ASPH: variants seen among roughly 807,000 people sequenced by gnomAD.
ASPH encodes aspartate beta-hydroxylase, also known as aspartyl/asparaginyl beta-hydroxylase.
In ASPH, 100 loss-of-function variants were observed where a neutral mutation model predicts 118.4. The observed-to-expected ratio is 0.84, with a 90% CI of 0.72 to 1.00. The LOEUF (loss-of-function observed/expected upper bound fraction) is 1.00, where lower values mean the gene tolerates loss of function less well. Among genes scored for constraint, ASPH ranks in the 50% least tolerant of loss-of-function variants. The probability of loss-of-function intolerance (pLI) is 0.00; values close to 1 mark genes in which losing one functional copy is unlikely to be tolerated. For synonymous variants in ASPH, 315 were observed against 325.6 expected, an observed-to-expected ratio of 0.97 and a Z score of 0.35; for missense variants, 920 against 919.5, an observed-to-expected ratio of 1.00 and a Z score of -0.01.
intron 3 of ASPH, chr8:61,675,357 T>G: frequency 3.1e-6 from 3 of 966,166 alleles, no homozygotes; most frequent in Non-Finnish European, 3.7e-6. Context: ...CAAATTACTT[T>G]CTCTGGATGT....
At chr8:61,678,028 G>A (rs1169735015) in intron 3 of ASPH, among the ~76,000 whole-genome samples, 1 of 151,998 alleles carries the variant, frequency 6.6e-6, no homozygotes, top group East Asian at 1.9e-4. Flanking sequence ...CTAAGAACAG[G>A]GCTCAACCAA....
intron 2 of ASPH, among the ~76,000 whole-genome samples, chr8:61,683,197 G>C (rs935591595): frequency 1.3e-5 from 2 of 151,970 alleles, no homozygotes; most frequent in African/African-American, 4.8e-5. Context: ...AAGAGTTTGG[G>C]TATTTAGGGG....
At chr8:61,519,413 C>T (rs1258281499) in intron 22 of ASPH, among the ~76,000 whole-genome samples, 1 of 152,142 alleles carries the variant, frequency 6.6e-6, no homozygotes, top group African/African-American at 2.4e-5. Flanking sequence ...AAAATTCTTA[C>T]ATAAGCGGAC....
chr8:61,644,390 A>G (rs904255254), intron 7 of ASPH, among the ~76,000 whole-genome samples: 3 of 152,272 alleles, frequency 2.0e-5, no homozygotes, highest in African/African-American at 4.8e-5. Flanking sequence ...AATCCTACTG[A>G]AAATTTATCC....
At chr8:61,506,470 A>C (rs1289135698) in intron 24 of ASPH, among the ~76,000 whole-genome samples, 1 of 152,340 alleles carries the variant, frequency 6.6e-6, no homozygotes, top group South Asian at 2.1e-4. Context: ...ATAATATGGT[A>C]AATTTTGTTA....
At position 61,562,806 on chromosome 8, in the gene ASPH, C is replaced by T; in HGVS notation, c.1375G>A (p.Asp459Asn). The T allele has an allele frequency of 6.2e-7, 1 of 1,612,690 alleles. No individual in the cohort carries two copies. The highest frequency in any genetic ancestry group is 8.5e-7 in the Non-Finnish European group (1 of 1,179,456). The change falls in exon 18 of 25, where the codon GAC (aspartate) becomes AAC (asparagine). Residue 459 changes from aspartate (D) to asparagine (N), a missense_variant. Coordinates refer to ENST00000379454, the MANE Select transcript of ASPH (RefSeq NM_004318.4). ...LFPNDTSLKN[D>N]LGVGYLLIGD... ...ATCAAGAGGTATCCCACGCCAAGGT[C>T]ATTTTTTAAGGAAGTATCATTGGGA...
At chr8:61,698,363 G>C (rs1188211791) in intron 1 of ASPH, among the ~76,000 whole-genome samples, 1 of 152,188 alleles carries the variant, frequency 6.6e-6, no homozygotes, top group African/African-American at 2.4e-5. Context: ...ATTTAGTTAC[G>C]TTACGATTTA....
intron 4 of ASPH, among the ~76,000 whole-genome samples, chr8:61,652,222 T>C (rs1811380523): frequency 6.6e-6 from 1 of 152,206 alleles, no homozygotes; most frequent in African/African-American, 2.4e-5. Context: ...GATTCCCAGG[T>C]TCATAACTGC....
chr8:61,685,587 C>T (rs750950089), intron 1 of ASPH, among the ~76,000 whole-genome samples: 5 of 151,772 alleles, frequency 3.3e-5, no homozygotes, highest in Non-Finnish European at 5.9e-5. Context: ...TAATTTCCAG[C>T]GGCTCAAGTC....
At chr8:61,618,532 C>A (rs1280843217) in intron 14 of ASPH, among the ~76,000 whole-genome samples, 1 of 152,072 alleles carries the variant, frequency 6.6e-6, no homozygotes, top group Non-Finnish European at 1.5e-5. Context: ...ATTCCTATAC[C>A]TAGTACAGTT....
At chr8:61,630,453 A>T (rs1349727993) in intron 13 of ASPH, among the ~76,000 whole-genome samples, 2 of 152,224 alleles carry the variant, frequency 1.3e-5, no homozygotes, top group East Asian at 3.8e-4. Flanking sequence ...ATGTGGTAGG[A>T]CTAAGAGTAA....
At chr8:61,592,110 C>A (rs1041578928) in intron 14 of ASPH, among the ~76,000 whole-genome samples, 2 of 152,184 alleles carry the variant, frequency 1.3e-5, no homozygotes, top group African/African-American at 4.8e-5. Context: ...ACTTCTGAGG[C>A]AGCTTGCTTA....
At chr8:61,613,393 C>A (rs576796948) in intron 14 of ASPH, among the ~76,000 whole-genome samples, 1 of 152,180 alleles carries the variant, frequency 6.6e-6, no homozygotes, top group East Asian at 1.9e-4. Flanking sequence ...TAAAATAAAT[C>A]TCTATCTATT....
intron 14 of ASPH, among the ~76,000 whole-genome samples, chr8:61,599,703 C>G (rs1290334584): frequency 2.0e-5 from 3 of 151,850 alleles, no homozygotes; most frequent in Non-Finnish European, 2.9e-5. Context: ...CACATACAAC[C>G]ACCAAGATTG....
intron 24 of ASPH, among the ~76,000 whole-genome samples, chr8:61,507,237 C>T (rs1806963968): frequency 6.6e-6 from 1 of 152,204 alleles, no homozygotes; most frequent in African/African-American, 2.4e-5. Flanking sequence ...CACAGGCTTG[C>T]AGCTTTCCAG....
At chr8:61,532,589 A>G (rs973212734) in intron 21 of ASPH, among the ~76,000 whole-genome samples, 2 of 152,112 alleles carry the variant, frequency 1.3e-5, no homozygotes, top group African/African-American at 2.4e-5. Flanking sequence ...TGTCATATCC[A>G]CAAAATTATT....
At chr8:61,662,133 C>T (rs927929180) in intron 3 of ASPH, among the ~76,000 whole-genome samples, 7 of 152,054 alleles carry the variant, frequency 4.6e-5, no homozygotes, top group African/African-American at 1.4e-4. Context: ...AGAAGATCAT[C>T]CTGGAAAAAT....
intron 14 of ASPH, among the ~76,000 whole-genome samples, chr8:61,585,679 C>T (rs897552068): frequency 6.6e-6 from 1 of 152,212 alleles, no homozygotes; most frequent in Non-Finnish European, 1.5e-5. Context: ...ACTTGCCACG[C>T]TCCCTCCCCT....
chr8:61,708,037 T>G (rs1010637018), intron 1 of ASPH, among the ~76,000 whole-genome samples: 1 of 152,194 alleles, frequency 6.6e-6, no homozygotes, highest in Non-Finnish European at 1.5e-5. Flanking sequence ...TGATAATGAC[T>G]ACCATAAAAT....
Sources: gnomAD v4.1 joint callset for allele counts (sites outside exome capture counted in the v4.1 genomes callset) on GRCh38, gnomAD v4.1.1 for gene constraint, MANE v1.5 for transcripts, NCBI Gene and HGNC (gene_info 2026-07-23, HGNC 2026-07-21) for gene names.